The following SFXN1 variants were observed in gnomAD, a reference collection of about 807,000 sequenced individuals.
SFXN1 encodes sideroflexin-1.
SFXN1 carries 32 observed loss-of-function variants against 39.5 expected under a neutral mutation model. The observed-to-expected ratio is 0.81, with a 90% CI of 0.61 to 1.09. SFXN1 has a LOEUF of 1.09. SFXN1 is among the 50% of genes least tolerant of loss of function. The pLI, the probability that SFXN1 is intolerant of heterozygous loss-of-function variation, is 0.00. For synonymous variants in SFXN1, 136 were observed against 146.5 expected (o/e 0.93, Z 0.52); for missense variants, 402 against 407.1 (o/e 0.99, Z 0.11).
chr5:175,505,228 C>T (rs1367456250), intron 2 of SFXN1, among the ~76,000 whole-genome samples: 1 of 151,942 alleles, frequency 6.6e-6, no homozygotes, highest in Admixed American at 6.6e-5. Context: ...ACTGTGGTCA[C>T]CTGTAAAACT....
chr5:175,497,198 TTATATA>T (rs986947635), intron 2 of SFXN1, among the ~76,000 whole-genome samples: 8 of 152,170 alleles, frequency 5.3e-5, no homozygotes, highest in African/African-American at 1.9e-4. Flanking sequence ...CTATATACTT[TTATATA>T]TATAAATCAG....
intron 1 of SFXN1, among the ~76,000 whole-genome samples, chr5:175,489,406 G>A (rs1052252110): frequency 1.3e-5 from 2 of 152,190 alleles, no homozygotes; most frequent in African/African-American, 2.4e-5. Context: ...TCCCCTGCAC[G>A]CCCTGCAGGT....
At chr5:175,524,128 ATATATATATATAT>A (rs1760983057) in intron 10 of SFXN1, 14 of 18,416 alleles carry the variant, frequency 7.6e-4, no homozygotes, top group East Asian at 7.1e-3. Flanking sequence ...AAAAAAAAAT[ATATATATATATAT>A]ATATATATAT....
intron 8 of SFXN1, among the ~76,000 whole-genome samples, chr5:175,518,877 A>G (rs568892614): frequency 1.7e-4 from 26 of 152,358 alleles, no homozygotes; most frequent in African/African-American, 6.0e-4. Context: ...CAGTCCATAA[A>G]AGAAAAATTG....
rs866735283 is a variant in SFXN1 at position 175,513,581 on chromosome 5, C to T, written c.715C>T (p.Pro239Ser). Residue 239 changes from proline to serine, a missense_variant, in exon 7 of 11, where the codon CCT becomes TCT. Physicochemically the swap from Pro to Ser is moderately conservative, Grantham distance 74 (BLOSUM62 -1). Coordinates refer to ENST00000321442, the MANE Select transcript of SFXN1 (RefSeq NM_022754.7). ...CGTGTCCAGGATTCTCATGGCAGCC[C>T]CTGGCATGGGTTAGCAGGACTTTGT... ...VVVSRILMAA[P>S]GMAIPPFIMN... is the part of the protein sequence containing the mutation. The T allele has an allele frequency of 6.8e-6, 11 of 1,613,646 alleles. No individual in the cohort carries two copies. The highest frequency in any genetic ancestry group is 9.3e-6 in the Non-Finnish European group (11 of 1,179,842).
At chr5:175,485,164 A>G (rs1759403420) in intron 1 of SFXN1, among the ~76,000 whole-genome samples, 1 of 152,262 alleles carries the variant, frequency 6.6e-6, no homozygotes, top group Non-Finnish European at 1.5e-5. Flanking sequence ...AACACAGATT[A>G]TCAAATCCAG....
At chr5:175,498,117 T>C (rs144689095) in intron 2 of SFXN1, among the ~76,000 whole-genome samples, 99 of 151,794 alleles carry the variant, frequency 6.5e-4, no homozygotes, top group African/African-American at 2.3e-3. Context: ...TTAATCTTAT[T>C]AATGAGAAAA....
At chr5:175,522,813 G>T in intron 10 of SFXN1, 1 of 161,652 alleles carries the variant, frequency 6.2e-6, no homozygotes, top group Non-Finnish European at 1.3e-5. Flanking sequence ...TTAGGTGGTT[G>T]GTATATTTGC....
intron 2 of SFXN1, among the ~76,000 whole-genome samples, chr5:175,499,126 A>C (rs1759977457): frequency 6.6e-6 from 1 of 152,058 alleles, no homozygotes; most frequent in Non-Finnish European, 1.5e-5. Flanking sequence ...GTGGTAGCTT[A>C]TGCCTGTTAT....
intron 1 of SFXN1, among the ~76,000 whole-genome samples, chr5:175,485,336 T>C (rs35426779): frequency 0.086 from 13,086 of 152,268 alleles, 1,030 homozygotes; most frequent in African/African-American, 0.21. Flanking sequence ...GTCAGAAGTC[T>C]AGAACAAGTG....
Position 175,511,615 on chromosome 5 carries a change from T to G in SFXN1, c.510+89T>G, listed in dbSNP as rs769172550. ...TCCCTCTATTATTTCTTAAACTAGTTCAAGTCATATGGCTTTCTTGTTATA... is the reference window on the plus strand; with the variant it reads ...TCCCTCTATTATTTCTTAAACTAGTGCAAGTCATATGGCTTTCTTGTTATA... On this transcript the variant is annotated intron_variant, in intron 5 of 10. Transcript: ENST00000321442. 3 of 994,608 alleles carry G rather than the reference T, an allele frequency of 3.0e-6. No individual in the cohort carries two copies. In the Admixed American group the frequency reaches 6.2e-5, roughly 20 times the overall value. 61.6% of individuals were successfully genotyped at this position (994,608 alleles called of 1,614,324 possible). A position where few individuals can be genotyped will look rare whatever the true frequency, so the allele number is the denominator to read the frequency against.
At position 175,527,739 on chromosome 5, in the gene SFXN1, A is replaced by T. The variant is rs550718252; in HGVS notation, c.*1005A>T. On this transcript the variant is annotated 3_prime_UTR_variant, in exon 11 of 11. Transcript: ENST00000321442. ...AATATTGTATGTTGCATTCCACTTCATTTGAAAATAATGAAACCATGTACC... is the reference window on the plus strand; with the variant it reads ...AATATTGTATGTTGCATTCCACTTCTTTTGAAAATAATGAAACCATGTACC... 1 of 152,308 alleles carries T rather than the reference A, an allele frequency of 6.6e-6. No individual in the cohort carries two copies. Among genetic ancestry groups the T allele is most frequent in the South Asian group, 2.1e-4 (1 of 4,832 alleles). 9.4% of individuals were successfully genotyped at this position (152,308 alleles called of 1,614,324 possible). A position where few individuals can be genotyped will look rare whatever the true frequency, so the allele number is the denominator to read the frequency against.
At chr5:175,483,437 T>G (rs377021484) in intron 1 of SFXN1, among the ~76,000 whole-genome samples, 2 of 152,170 alleles carry the variant, frequency 1.3e-5, no homozygotes, top group African/African-American at 4.8e-5. Flanking sequence ...TGAAAAAGAT[T>G]CTTAGAATTA....
chr5:175,511,395 A>G (rs1760506590), intron 4 of SFXN1, 56 bp from the exon 5 acceptor site: 10 of 1,288,512 alleles, frequency 7.8e-6, no homozygotes, highest in Admixed American at 3.5e-5. Context: ...ATAATGTTGC[A>G]CCAGAGTTTC....
At chr5:175,505,084 G>A (rs1011272164) in intron 2 of SFXN1, among the ~76,000 whole-genome samples, 2 of 152,208 alleles carry the variant, frequency 1.3e-5, no homozygotes, top group Non-Finnish European at 1.5e-5. Flanking sequence ...AGAAATTTGC[G>A]TCAATGATGA....
At chr5:175,500,883 T>G (rs959550531) in intron 2 of SFXN1, among the ~76,000 whole-genome samples, 1 of 152,184 alleles carries the variant, frequency 6.6e-6, no homozygotes, top group Non-Finnish European at 1.5e-5. Flanking sequence ...AAGGATACTC[T>G]GTTCAATGAA....
At chr5:175,517,816 G>A (rs1189891691) in intron 8 of SFXN1, among the ~76,000 whole-genome samples, 1 of 152,086 alleles carries the variant, frequency 6.6e-6, no homozygotes. Context: ...TCACTTCCTT[G>A]GCAGCTCATG....
intron 2 of SFXN1, among the ~76,000 whole-genome samples, chr5:175,496,083 A>C (rs1025390214): frequency 6.6e-6 from 1 of 151,776 alleles, no homozygotes; most frequent in African/African-American, 2.4e-5. Context: ...TATTTAGTAG[A>C]GATGGACTTT....
intron 8 of SFXN1, among the ~76,000 whole-genome samples, chr5:175,517,168 G>A (rs553943270): frequency 1.9e-3 from 284 of 152,322 alleles, no homozygotes; most frequent in Non-Finnish European, 2.9e-3. Flanking sequence ...TTTCTCATGC[G>A]AAGGAGCTGG....
Sources: allele counts gnomAD v4.1 joint callset (sites outside exome capture counted in the v4.1 genomes callset), GRCh38; gene constraint gnomAD v4.1.1; transcripts MANE v1.5; gene names NCBI Gene and HGNC (gene_info 2026-07-23, HGNC 2026-07-21).